The following HNF4G variants were observed in gnomAD, a reference collection of about 807,000 sequenced individuals.
HNF4G encodes the protein hepatocyte nuclear factor 4 gamma.
Under a neutral mutation model 50.9 loss-of-function variants are expected in HNF4G, and 21 were observed. That is an observed-to-expected ratio of 0.41 (90% CI 0.29 to 0.59). The LOEUF is 0.59. Ranked by LOEUF, HNF4G falls within the 20% of genes least tolerant of loss-of-function variation. The pLI is 0.26. For missense variants in HNF4G, 527 were observed against 559.4 expected, an observed-to-expected ratio of 0.94 and a Z score of 0.58; for synonymous variants, 198 against 185.6, an observed-to-expected ratio of 1.07 and a Z score of -0.54.
intron 2 of HNF4G, among the ~76,000 whole-genome samples, chr8:75,531,162 A>G (rs538426390): frequency 6.6e-6 from 1 of 152,284 alleles, no homozygotes; most frequent in Non-Finnish European, 1.5e-5. Context: ...ATTCTAGAGA[A>G]ATATAACATT....
chr8:75,440,016 A>C (rs1308424188), intron 1 of HNF4G, among the ~76,000 whole-genome samples: 1 of 152,054 alleles, frequency 6.6e-6, no homozygotes, highest in African/African-American at 2.4e-5. Flanking sequence ...ACTATTTCAG[A>C]ATATTGTCTT....
intron 1 of HNF4G, among the ~76,000 whole-genome samples, chr8:75,431,678 A>C (rs1028027826): frequency 6.6e-6 from 1 of 152,178 alleles, no homozygotes; most frequent in Non-Finnish European, 1.5e-5. Flanking sequence ...CTGTAATCCC[A>C]GCACTTTGGG....
At chr8:75,546,063 G>A (rs1268087484) in intron 2 of HNF4G, among the ~76,000 whole-genome samples, 1 of 152,006 alleles carries the variant, frequency 6.6e-6, no homozygotes, top group East Asian at 1.9e-4. Context: ...ATAGTTTTTA[G>A]AAGAAGTACA....
chr8:75,470,619 T>A (rs1335395877), intron 1 of HNF4G, among the ~76,000 whole-genome samples: 1 of 152,274 alleles, frequency 6.6e-6, no homozygotes, highest in South Asian at 2.1e-4. Context: ...AATAATTCAG[T>A]GAACAAAGAA....
chr8:75,517,314 A>G, intron 2 of HNF4G, among the ~76,000 whole-genome samples: 1 of 152,114 alleles, frequency 6.6e-6, no homozygotes, highest in Non-Finnish European at 1.5e-5. Context: ...AAAACCAATC[A>G]TGCCTTTCAA....
At chr8:75,545,239 A>ATGTGTGTGTGTG (rs57486410) in intron 2 of HNF4G, among the ~76,000 whole-genome samples, 6,944 of 145,510 alleles carry the variant, frequency 0.048, 198 homozygotes, top group Non-Finnish European at 0.055. Flanking sequence ...TTAAAATTGA[A>ATGTGTGTGTGTG]TGTGTGTGTG....
At chr8:75,414,747 A>C (rs1585821300) in intron 1 of HNF4G, among the ~76,000 whole-genome samples, 1 of 152,348 alleles carries the variant, frequency 6.6e-6, no homozygotes, top group South Asian at 2.1e-4. Context: ...ATTTTTTGCT[A>C]AATAGCATAA....
intron 1 of HNF4G, among the ~76,000 whole-genome samples, chr8:75,420,797 A>G (rs1303825357): frequency 6.6e-6 from 1 of 152,238 alleles, no homozygotes; most frequent in East Asian, 1.9e-4. Context: ...CCAGGCAGCA[A>G]GAGGAGAAAG....
intron 1 of HNF4G, among the ~76,000 whole-genome samples, chr8:75,452,861 A>G (rs1318303227): frequency 1.3e-5 from 2 of 152,240 alleles, no homozygotes; most frequent in African/African-American, 4.8e-5. Context: ...TGAAGAGTGA[A>G]TATGTTTGCT....
chr8:75,487,452 G>C (rs768476789), intron 1 of HNF4G, among the ~76,000 whole-genome samples: 1 of 152,038 alleles, frequency 6.6e-6, no homozygotes, highest in Non-Finnish European at 1.5e-5. Flanking sequence ...GAAATTTTCT[G>C]TCTAGCTCTC....
chr8:75,534,446 G>C (rs1806408787), intron 2 of HNF4G, among the ~76,000 whole-genome samples: 1 of 151,636 alleles, frequency 6.6e-6, no homozygotes, highest in Non-Finnish European at 1.5e-5. Flanking sequence ...CATTTTCTTG[G>C]TTACATTTAG....
intron 2 of HNF4G, among the ~76,000 whole-genome samples, chr8:75,499,840 C>A (rs1563530535): frequency 6.6e-6 from 1 of 151,762 alleles, no homozygotes; most frequent in Non-Finnish European, 1.5e-5. Context: ...AATTTACATG[C>A]CAAAAAATAA....
intron 2 of HNF4G, among the ~76,000 whole-genome samples, chr8:75,534,461 G>C (rs1013408384): frequency 3.3e-5 from 5 of 151,746 alleles, no homozygotes; most frequent in African/African-American, 1.2e-4. Context: ...ATTTAGCTCA[G>C]AGCTGTGCAA....
chr8:75,466,642 T>G (rs1563517779), intron 1 of HNF4G, among the ~76,000 whole-genome samples: 17 of 28,440 alleles, frequency 6.0e-4, no homozygotes, highest in South Asian at 3.0e-3. Context: ...CCTTCTCCCT[T>G]CCCTTCCCTT....
intron 2 of HNF4G, among the ~76,000 whole-genome samples, chr8:75,508,946 A>G (rs919470789): frequency 1.3e-5 from 2 of 152,216 alleles, no homozygotes; most frequent in African/African-American, 2.4e-5. Context: ...AGAAAATTCA[A>G]TTTTACTGAC....
chr8:75,558,763 G>GCCTCTC, intron 7 of HNF4G, 38 bp from the exon 8 acceptor site: 2 of 1,589,898 alleles, frequency 1.3e-6, no homozygotes, highest in Non-Finnish European at 1.7e-6. Flanking sequence ...CTGTAATTAG[G>GCCTCTC]TTAAATCTGT....
intron 2 of HNF4G, among the ~76,000 whole-genome samples, chr8:75,532,007 G>T (rs1585928792): frequency 6.6e-6 from 1 of 152,062 alleles, no homozygotes; most frequent in African/African-American, 2.4e-5. Flanking sequence ...TTGCATATCA[G>T]ATAAGATCAT....
chr8:75,522,082 T>C (rs1439079202), intron 2 of HNF4G, among the ~76,000 whole-genome samples: 2 of 152,242 alleles, frequency 1.3e-5, no homozygotes, highest in African/African-American at 4.8e-5. Context: ...TACTTTGTTA[T>C]TAGAATTAGC....
At chr8:75,549,585 G>C (rs1806886593) in intron 3 of HNF4G, among the ~76,000 whole-genome samples, 2 of 146,078 alleles carry the variant, frequency 1.4e-5, no homozygotes, top group Non-Finnish European at 3.0e-5. Flanking sequence ...TTCTCAGAAT[G>C]CTTCTGGGTA....
Sources: allele counts gnomAD v4.1 joint callset (sites outside exome capture counted in the v4.1 genomes callset), GRCh38; gene constraint gnomAD v4.1.1; transcripts MANE v1.5; gene names NCBI Gene and HGNC (gene_info 2026-07-23, HGNC 2026-07-21).